UEVLD: variants seen among roughly 807,000 people sequenced by gnomAD.
The protein encoded by UEVLD is ubiquitin-conjugating enzyme E2 variant 3.
UEVLD carries 47 observed loss-of-function variants against 58.6 expected under a neutral mutation model. The ratio of observed to expected loss-of-function variants is 0.80; its 90% confidence interval spans 0.63 to 1.02. The LOEUF (loss-of-function observed/expected upper bound fraction) is 1.02, where lower values mean the gene tolerates loss of function less well. UEVLD is among the 50% of genes least tolerant of loss of function. The pLI is 0.00. For synonymous variants in UEVLD, 197 were observed against 195.3 expected, an observed-to-expected ratio of 1.01 and a Z score of -0.07; for missense variants, 510 against 550.6, an observed-to-expected ratio of 0.93 and a Z score of 0.74.
intron 7 of UEVLD, among the ~76,000 whole-genome samples, chr11:18,556,316 C>A (rs1000657644): frequency 6.6e-6 from 1 of 152,208 alleles, no homozygotes; most frequent in South Asian, 2.1e-4. Flanking sequence ...AGAACTTCTA[C>A]ATGAGACCTA....
intron 8 of UEVLD, 23 bp downstream of exon 8, chr11:18,546,857 T>C (rs1851321787): frequency 6.2e-7 from 1 of 1,609,512 alleles, no homozygotes; most frequent in Non-Finnish European, 8.5e-7. Flanking sequence ...ACCATCAACT[T>C]AATTTAAAAT....
rs745559898 is a variant in UEVLD, at chr11:18,547,068, A to C, written c.716-18T>G. 1 of 1,607,026 alleles carries C rather than the reference A, an allele frequency of 6.2e-7. No individual in the cohort carries two copies. The highest frequency in any genetic ancestry group is 8.5e-7 in the Non-Finnish European group (1 of 1,178,076). ...AGACAAATCTAGTGAATGAAAAGAA[A>C]CAGTCTGAGCTGAAGATACAGGCTT... On this transcript the variant is annotated intron_variant, in intron 7 of 11. Transcript: ENST00000396197.
At chr11:18,565,135 CA>C in intron 5 of UEVLD, 125 bp from the exon 6 acceptor site, 1 of 603,468 alleles carries the variant, frequency 1.7e-6, no homozygotes. Context: ...CCATAATGGG[CA>C]AAAAATACTA....
chr11:18,559,295 T>C (rs555225289), intron 6 of UEVLD, among the ~76,000 whole-genome samples: 1 of 152,232 alleles, frequency 6.6e-6, no homozygotes, highest in Admixed American at 6.5e-5. Flanking sequence ...ACCTCCCAGG[T>C]TCAAGCGATT....
At chr11:18,545,109 A>G (rs1301131160) in intron 8 of UEVLD, among the ~76,000 whole-genome samples, 4 of 135,290 alleles carry the variant, frequency 3.0e-5, no homozygotes. Context: ...GTGTCGCTCT[A>G]TCGCCCAGGC....
chr11:18,556,365 G>A (rs1381647423), intron 7 of UEVLD, among the ~76,000 whole-genome samples: 2 of 152,214 alleles, frequency 1.3e-5, no homozygotes, highest in East Asian at 3.8e-4. Flanking sequence ...ACTCTTTCCA[G>A]AGAAGGAAAA....
At chr11:18,563,381 A>G (rs1260090621) in intron 6 of UEVLD, among the ~76,000 whole-genome samples, 1 of 152,116 alleles carries the variant, frequency 6.6e-6, no homozygotes, top group Non-Finnish European at 1.5e-5. Context: ...GCTTGAGCCC[A>G]GGAATTCAAG....
At chr11:18,547,398 G>A (rs887654628) in intron 7 of UEVLD, among the ~76,000 whole-genome samples, 2 of 152,128 alleles carry the variant, frequency 1.3e-5, no homozygotes, top group African/African-American at 4.8e-5. Context: ...GGTGGTGTGT[G>A]ACTGTAGTCT....
At chr11:18,578,930 G>C in intron 1 of UEVLD, 122 bp from the exon 2 acceptor site, 18 of 615,170 alleles carry the variant, frequency 2.9e-5, no homozygotes, top group Non-Finnish European at 4.6e-5. Flanking sequence ...TGCAGTGGCG[G>C]GATCTCAGCT....
At chr11:18,556,240 T>TA (rs1182185631) in intron 7 of UEVLD, among the ~76,000 whole-genome samples, 1 of 152,198 alleles carries the variant, frequency 6.6e-6, no homozygotes, top group Non-Finnish European at 1.5e-5. Context: ...TTTGAAGAGT[T>TA]AAGAGGTCCT....
At chr11:18,580,663 AG>A (rs1477382534) in intron 1 of UEVLD, among the ~76,000 whole-genome samples, 1 of 151,580 alleles carries the variant, frequency 6.6e-6, no homozygotes, top group South Asian at 2.1e-4. Context: ...AAAAAAAAAA[AG>A]AAAAATTAAA....
At chr11:18,560,473 A>T (rs932343200) in intron 6 of UEVLD, among the ~76,000 whole-genome samples, 1 of 152,206 alleles carries the variant, frequency 6.6e-6, no homozygotes, top group African/African-American at 2.4e-5. Flanking sequence ...ACAATTTTCT[A>T]TCAAAAATTT....
intron 9 of UEVLD, among the ~76,000 whole-genome samples, chr11:18,538,262 T>C (rs56276143): frequency 0.37 from 56,165 of 151,586 alleles, 10,956 homozygotes; most frequent in East Asian, 0.66. Context: ...TATTCTTTTG[T>C]GTTCTCTTGC....
intron 4 of UEVLD, among the ~76,000 whole-genome samples, chr11:18,568,925 C>T (rs1169766880): frequency 1.3e-5 from 2 of 151,922 alleles, no homozygotes; most frequent in Non-Finnish European, 2.9e-5. Context: ...GGCGGAGTCT[C>T]GCTCTGTCGC....
intron 6 of UEVLD, among the ~76,000 whole-genome samples, chr11:18,560,036 G>A (rs1851936812): frequency 7.1e-6 from 1 of 140,388 alleles, no homozygotes; most frequent in African/African-American, 2.5e-5. Context: ...ATGGGCATAG[G>A]CTGGAGTCCA....
intron 9 of UEVLD, among the ~76,000 whole-genome samples, chr11:18,537,324 A>ATATTTTTTT (rs1160942409): frequency 9.9e-5 from 13 of 131,568 alleles, no homozygotes; most frequent in East Asian, 4.3e-4. Flanking sequence ...ATATATATAT[A>ATATTTTTTT]TTTTTTTTTT....
At chr11:18,588,157 G>A (rs1008133483) in intron 1 of UEVLD, among the ~76,000 whole-genome samples, 1 of 152,030 alleles carries the variant, frequency 6.6e-6, no homozygotes, top group Non-Finnish European at 1.5e-5. Flanking sequence ...ATTACGGTTT[G>A]TAAATACATA....
At chr11:18,552,965 C>T (rs1323327839) in intron 7 of UEVLD, among the ~76,000 whole-genome samples, 1 of 150,876 alleles carries the variant, frequency 6.6e-6, no homozygotes, top group Non-Finnish European at 1.5e-5. Context: ...ACCATCCTGG[C>T]TAACATGGTG....
Position 18,546,951 on chromosome 11 carries a change from A to C in UEVLD, c.815T>G (p.Met272Arg). Reference sequence around the variant, plus strand: ...CAGAGCTGGGACAAGGGCTCTGAACATATCCACATTGCTCTGTACCACATC... The same window carrying C: ...CAGAGCTGGGACAAGGGCTCTGAACCTATCCACATTGCTCTGTACCACATC... ...YLDVVQSNVD[M>R]FRALVPALGH... Residue 272 changes from methionine (M) to arginine (R), a missense_variant, in exon 8 of 12, where the codon ATG (methionine) becomes AGG (arginine). Transcript: ENST00000396197. 6.2e-7 allele frequency: 1 copy of C among 1,614,200 alleles called. No homozygotes were observed. Among genetic ancestry groups the C allele is most frequent in the Non-Finnish European group, 8.5e-7 (1 of 1,180,036 alleles).
Sources: gnomAD v4.1 joint callset for allele counts (sites outside exome capture counted in the v4.1 genomes callset) on GRCh38, gnomAD v4.1.1 for gene constraint, MANE v1.5 for transcripts, NCBI Gene and HGNC (gene_info 2026-07-23, HGNC 2026-07-21) for gene names.